SNTG1: variants seen among roughly 807,000 people sequenced by gnomAD.
The protein encoded by SNTG1 is gamma-1-syntrophin.
In SNTG1, 39 loss-of-function variants were observed where a neutral mutation model predicts 74.7. The ratio of observed to expected loss-of-function variants is 0.52; its 90% CI spans 0.40 to 0.68. SNTG1 has a LOEUF of 0.68. Among genes scored for constraint, SNTG1 ranks in the 30% least tolerant of loss-of-function variants. SNTG1 has a pLI of 0.00. For synonymous variants in SNTG1, 254 were observed against 217.1 expected (o/e 1.17, Z -1.49); for missense variants, 685 against 609.5 (o/e 1.12, Z -1.30).
At chr8:50,257,481 G>A (rs888536988) in intron 2 of SNTG1, among the ~76,000 whole-genome samples, 7 of 152,154 alleles carry the variant, frequency 4.6e-5, no homozygotes, top group Admixed American at 2.0e-4. Context: ...CCTAAGTGAA[G>A]TAGTGTTCTT....
At chr8:50,306,827 C>T (rs1283650694) in intron 2 of SNTG1, among the ~76,000 whole-genome samples, 1 of 151,832 alleles carries the variant, frequency 6.6e-6, no homozygotes, top group African/African-American at 2.4e-5. Flanking sequence ...ATCTCCCATT[C>T]TGTGGGTTAT....
At chr8:50,449,467 T>C (rs2093435546) in intron 5 of SNTG1, among the ~76,000 whole-genome samples, 1 of 152,258 alleles carries the variant, frequency 6.6e-6, no homozygotes, top group Non-Finnish European at 1.5e-5. Flanking sequence ...CCAATTGTTA[T>C]TATTGGATGT....
chr8:50,012,164 T>A (rs758904991), intron 1 of SNTG1, among the ~76,000 whole-genome samples: 11 of 152,190 alleles, frequency 7.2e-5, no homozygotes, highest in East Asian at 1.9e-4. Flanking sequence ...TCTTTAAATT[T>A]AAAAAAAATG....
At chr8:50,084,927 A>T (rs1341938729) in intron 1 of SNTG1, among the ~76,000 whole-genome samples, 1 of 152,176 alleles carries the variant, frequency 6.6e-6, no homozygotes, top group Non-Finnish European at 1.5e-5. Flanking sequence ...GGCTTTCCAG[A>T]CTTCAGAACT....
chr8:50,469,933 G>T lies in SNTG1; in HGVS notation c.363+19204G>T, dbSNP rs990205890. ...GCAGAGGTTGCAATGAGCCAAGATG[G>T]TGCCACTGCACTCCAGCCTGGGCAA... is the stretch of plus-strand genomic sequence containing the variant. On this transcript the variant is annotated intron_variant, in intron 8 of 18. Transcript: ENST00000642720. Among the ~76,000 whole-genome samples, 10 of 152,160 alleles carry T rather than the reference G, an allele frequency of 6.6e-5. No homozygotes were observed. The East Asian group carries it at 1.9e-3, about 29-fold the overall frequency.
chr8:50,494,808 A>G (rs1197785917), intron 8 of SNTG1, among the ~76,000 whole-genome samples: 1 of 152,074 alleles, frequency 6.6e-6, no homozygotes, highest in African/African-American at 2.4e-5. Context: ...ACAATGAATT[A>G]TTTTCAGTCA....
intron 4 of SNTG1, among the ~76,000 whole-genome samples, chr8:50,419,479 A>G (rs920192443): frequency 6.6e-6 from 1 of 152,176 alleles, no homozygotes. Flanking sequence ...TCACTGTGGT[A>G]TCAGAGAAGA....
At chr8:50,668,558 C>A (rs2095262101) in intron 15 of SNTG1, among the ~76,000 whole-genome samples, 1 of 150,952 alleles carries the variant, frequency 6.6e-6, no homozygotes, top group Non-Finnish European at 1.5e-5. Flanking sequence ...TTCTGGGATA[C>A]ATGTGCAAAA....
At chr8:50,352,557 AT>A (rs1355312379) in intron 2 of SNTG1, among the ~76,000 whole-genome samples, 1 of 151,904 alleles carries the variant, frequency 6.6e-6, no homozygotes, top group Non-Finnish European at 1.5e-5. Context: ...CACCTGGCTA[AT>A]TTTTTTATAT....
chr8:49,912,862 C>A (rs932601886), intron 1 of SNTG1, among the ~76,000 whole-genome samples: 7 of 152,176 alleles, frequency 4.6e-5, no homozygotes, highest in Non-Finnish European at 7.3e-5. Flanking sequence ...AAATGAGAAG[C>A]TTTAGTGTGC....
chr8:50,007,828 T>G (rs2130527676), intron 1 of SNTG1, among the ~76,000 whole-genome samples: 1 of 152,158 alleles, frequency 6.6e-6, no homozygotes, highest in Non-Finnish European at 1.5e-5. Context: ...AAAAAAAAGG[T>G]TTAATTGACT....
intron 18 of SNTG1, among the ~76,000 whole-genome samples, chr8:50,767,009 G>T (rs2095615489): frequency 6.6e-6 from 1 of 151,872 alleles, no homozygotes; most frequent in Admixed American, 6.6e-5. Context: ...TGAAATATGG[G>T]TCTGAAAATG....
Position 50,369,602 on chromosome 8 carries a change from G to GA in SNTG1, c.-27-24598dup, listed in dbSNP as rs71233488. Reference sequence around the variant, plus strand: ...CAAGAGCAAAACTCCGTCCCAAAAAGAAAAAAAAAAAAGAAAAGAAACAGA... The same window carrying GA: ...CAAGAGCAAAACTCCGTCCCAAAAAGAAAAAAAAAAAAAGAAAAGAAACAGA... On this transcript the variant is annotated intron_variant, in intron 2 of 18. Coordinates refer to ENST00000642720, the MANE Select transcript of SNTG1 (RefSeq NM_018967.5). 2.6e-3 allele frequency among the ~76,000 whole-genome samples: 367 copies of GA among 139,072 alleles called. 1 individual carries two copies. The highest frequency in any genetic ancestry group is 7.1e-3 in the African/African-American group (271 of 37,946). 91.2% of individuals were successfully genotyped at this position (139,072 alleles called of 152,430 possible). A position where few individuals can be genotyped will look rare whatever the true frequency, so the allele number is the denominator to read the frequency against.
chr8:50,657,824 T>C (rs2095193105), intron 14 of SNTG1, among the ~76,000 whole-genome samples: 1 of 152,146 alleles, frequency 6.6e-6, no homozygotes, highest in South Asian at 2.1e-4. Context: ...TATGTATAGA[T>C]ACCTATTGCA....
chr8:50,592,199 C>T (rs184022584), intron 13 of SNTG1, among the ~76,000 whole-genome samples: 1 of 152,178 alleles, frequency 6.6e-6, no homozygotes, highest in African/African-American at 2.4e-5. Flanking sequence ...AAAGTATCAG[C>T]TATGAGGGAA....
intron 8 of SNTG1, among the ~76,000 whole-genome samples, chr8:50,497,833 T>C (rs1335147054): frequency 6.6e-6 from 1 of 152,102 alleles, no homozygotes; most frequent in Non-Finnish European, 1.5e-5. Flanking sequence ...GTTTACATTT[T>C]CTACAATTTT....
At position 50,123,599 on chromosome 8, in the gene SNTG1, T is replaced by G. The variant is rs768082305; in HGVS notation, c.-102-48962T>G. On this transcript the variant is annotated intron_variant, in intron 1 of 18. Transcript: ENST00000642720. Reference sequence around the variant, plus strand: ...AATTTGCTAAGAGATGCCTATTATATGTCATTAATTCTCATAATTTCCAAA... The same window carrying G: ...AATTTGCTAAGAGATGCCTATTATAGGTCATTAATTCTCATAATTTCCAAA... Among the ~76,000 whole-genome samples, 3 of 142,886 alleles carry G rather than the reference T, an allele frequency of 2.1e-5. 1 individual carries two copies. Among genetic ancestry groups the G allele is most frequent in the Non-Finnish European group, 3.1e-5 (2 of 64,024 alleles). The allele number at this position is 142,886 out of a possible 152,430, so 93.7% of individuals were successfully genotyped here. A position where few individuals can be genotyped will look rare whatever the true frequency, so the allele number is the denominator to read the frequency against.
At chr8:50,091,885 G>T (rs1377771417) in intron 1 of SNTG1, among the ~76,000 whole-genome samples, 3 of 151,858 alleles carry the variant, frequency 2.0e-5, no homozygotes, top group Non-Finnish European at 4.4e-5. Flanking sequence ...TAAAATGTCA[G>T]ATTTAATCTG....
At chr8:50,294,094 TTCTC>T (rs1404189134) in intron 2 of SNTG1, among the ~76,000 whole-genome samples, 2 of 152,164 alleles carry the variant, frequency 1.3e-5, no homozygotes, top group African/African-American at 2.4e-5. Context: ...CATGTCTACT[TTCTC>T]TTCTATCAAA....
Sources: gnomAD v4.1 joint callset for allele counts (sites outside exome capture counted in the v4.1 genomes callset) on GRCh38, gnomAD v4.1.1 for gene constraint, MANE v1.5 for transcripts, NCBI Gene and HGNC (gene_info 2026-07-23, HGNC 2026-07-21) for gene names.